GABRB2: variants seen among roughly 807,000 people sequenced by gnomAD.
The protein encoded by GABRB2 is gamma-aminobutyric acid type A receptor subunit beta2.
In GABRB2, 16 loss-of-function variants were observed where a neutral mutation model predicts 54.7. That is an observed-to-expected ratio of 0.29 (90% CI 0.20 to 0.44). The LOEUF is 0.44. GABRB2 is among the 20% of genes least tolerant of loss of function. The pLI, the probability that GABRB2 is intolerant of heterozygous loss-of-function variation, is 1.00. For missense variants in GABRB2, 355 were observed against 644.0 expected, an observed-to-expected ratio of 0.55 and a Z score of 4.86; for synonymous variants, 244 against 233.8, an observed-to-expected ratio of 1.04 and a Z score of -0.40.
At chr5:161,475,251 C>A (rs1758560538) in intron 3 of GABRB2, among the ~76,000 whole-genome samples, 1 of 151,950 alleles carries the variant, frequency 6.6e-6, no homozygotes, top group African/African-American at 2.4e-5. Context: ...CCCCAAGACA[C>A]ACAATTACAT....
chr5:161,541,699 G>A (rs1760822104), intron 3 of GABRB2, among the ~76,000 whole-genome samples: 1 of 152,152 alleles, frequency 6.6e-6, no homozygotes, highest in African/African-American at 2.4e-5. Flanking sequence ...TTAGGGTCTT[G>A]TTCTGGTAAT....
At chr5:161,458,160 G>T (rs1758017849) in intron 4 of GABRB2, among the ~76,000 whole-genome samples, 1 of 152,034 alleles carries the variant, frequency 6.6e-6, no homozygotes, top group African/African-American at 2.4e-5. Flanking sequence ...TCTCATCAAG[G>T]TCTCTCTGAT....
intron 9 of GABRB2, among the ~76,000 whole-genome samples, chr5:161,322,857 T>A (rs1226991124): frequency 6.6e-6 from 1 of 152,158 alleles, no homozygotes; most frequent in Non-Finnish European, 1.5e-5. Context: ...ATTTTCTCTC[T>A]TTTAATCGCT....
intron 5 of GABRB2, among the ~76,000 whole-genome samples, chr5:161,383,001 G>T (rs1755513712): frequency 6.6e-6 from 1 of 152,008 alleles, no homozygotes; most frequent in Non-Finnish European, 1.5e-5. Flanking sequence ...GGCTTTAAAG[G>T]CTTAATTTTT....
chr5:161,294,839 C>T (rs1462875176), intron 9 of GABRB2, among the ~76,000 whole-genome samples: 1 of 152,122 alleles, frequency 6.6e-6, no homozygotes, highest in Non-Finnish European at 1.5e-5. Flanking sequence ...GAATTGTGCT[C>T]ATAATAGTAG....
intron 9 of GABRB2, among the ~76,000 whole-genome samples, chr5:161,303,057 A>T (rs252980): frequency 0.42 from 63,612 of 152,086 alleles, 16,024 homozygotes; most frequent in African/African-American, 0.7. Context: ...CTGCCTTTTT[A>T]ACTTCTATTA....
chr5:161,472,929 A>G (rs1022653949), intron 3 of GABRB2, among the ~76,000 whole-genome samples: 2 of 152,082 alleles, frequency 1.3e-5, no homozygotes, highest in African/African-American at 4.8e-5. Flanking sequence ...ACTTTTACCA[A>G]TTTCATGTGG....
intron 9 of GABRB2, among the ~76,000 whole-genome samples, chr5:161,305,655 T>C (rs901060466): frequency 3.3e-5 from 5 of 152,228 alleles, no homozygotes; most frequent in African/African-American, 1.2e-4. Context: ...AAAAGCATTA[T>C]GGGTGATGAC....
intron 3 of GABRB2, among the ~76,000 whole-genome samples, chr5:161,472,298 T>G (rs1758463771): frequency 6.6e-6 from 1 of 151,846 alleles, no homozygotes; most frequent in Admixed American, 6.6e-5. Context: ...CATTAGCCCG[T>G]GTTCTTAGTA....
chr5:161,406,862 C>T (rs1003404999), intron 5 of GABRB2, among the ~76,000 whole-genome samples: 17 of 151,990 alleles, frequency 1.1e-4, no homozygotes, highest in East Asian at 3.9e-4. Flanking sequence ...CCTGTGAAGG[C>T]CTATGAAAGA....
intron 9 of GABRB2, among the ~76,000 whole-genome samples, chr5:161,295,123 A>G (rs1194527312): frequency 6.6e-6 from 1 of 152,214 alleles, no homozygotes; most frequent in African/African-American, 2.4e-5. Flanking sequence ...GGAGCATAAC[A>G]GCCAGATCCA....
intron 5 of GABRB2, among the ~76,000 whole-genome samples, chr5:161,393,372 G>C (rs1755895568): frequency 7.1e-6 from 1 of 141,582 alleles, no homozygotes; most frequent in African/African-American, 2.6e-5. Context: ...TAGTGTGTGG[G>C]CAGTACAAAA....
intron 5 of GABRB2, among the ~76,000 whole-genome samples, chr5:161,352,059 G>A (rs1195583516): frequency 2.0e-5 from 3 of 151,926 alleles, no homozygotes; most frequent in Non-Finnish European, 4.4e-5. Flanking sequence ...ATATGTATTG[G>A]TGAGGATGTG....
At position 161,332,165 on chromosome 5, in the gene GABRB2, C is replaced by CAAAAA. The variant is rs5872708; in HGVS notation, c.833-1043_833-1039dup. On this transcript the variant is annotated intron_variant, in intron 7 of 9. Coordinates refer to ENST00000393959, the MANE Select transcript of GABRB2 (RefSeq NM_001371727.1). The stretch of plus-strand genomic sequence containing the variant: ...TGGGCCACACAGCAAGACTCCGTCT[C>CAAAAA]AAAAAAAAAAAAAAAAAAAAAGAAT... 3.5e-3 allele frequency among the ~76,000 whole-genome samples: 242 copies of CAAAAA among 69,294 alleles called. 4 individuals are homozygous for CAAAAA. The highest frequency in any genetic ancestry group is 0.011 in the African/African-American group (192 of 18,174). 45.5% of individuals were successfully genotyped at this position (69,294 alleles called of 152,430 possible).
intron 4 of GABRB2, among the ~76,000 whole-genome samples, chr5:161,451,373 G>A (rs908943198): frequency 2.0e-5 from 3 of 152,108 alleles, no homozygotes; most frequent in Non-Finnish European, 4.4e-5. Flanking sequence ...ACAAACAATT[G>A]TTTTTAGATG....
chr5:161,534,324 A>G (rs1021773270), intron 3 of GABRB2, among the ~76,000 whole-genome samples: 2 of 152,198 alleles, frequency 1.3e-5, no homozygotes, highest in East Asian at 3.9e-4. Context: ...CCAAATTCCA[A>G]TATAGCCAAG....
intron 3 of GABRB2, among the ~76,000 whole-genome samples, chr5:161,497,470 T>C (rs758569412): frequency 2.0e-5 from 3 of 151,946 alleles, no homozygotes; most frequent in Non-Finnish European, 4.4e-5. Context: ...TGAGATCCCA[T>C]GGGGACTCAA....
intron 4 of GABRB2, among the ~76,000 whole-genome samples, chr5:161,429,261 C>T (rs1260094507): frequency 1.5e-5 from 2 of 136,586 alleles, no homozygotes; most frequent in East Asian, 2.4e-4. Context: ...GCAGGAGAAT[C>T]GCTTGAACAA....
chr5:161,503,555 A>G (rs1356420140), intron 3 of GABRB2, among the ~76,000 whole-genome samples: 1 of 152,066 alleles, frequency 6.6e-6, no homozygotes, highest in Non-Finnish European at 1.5e-5. Flanking sequence ...CTAAAAATAC[A>G]AAGTTAGCCG....
Sources: allele counts gnomAD v4.1 joint callset (sites outside exome capture counted in the v4.1 genomes callset), GRCh38; gene constraint gnomAD v4.1.1; transcripts MANE v1.5; gene names NCBI Gene and HGNC (gene_info 2026-07-23, HGNC 2026-07-21).